Variants in ARFGEF2 observed in about 807,000 individuals in gnomAD.
ARFGEF2 encodes ARF guanine nucleotide exchange factor 2.
Under a neutral mutation model 219.9 loss-of-function variants are expected in ARFGEF2, and 74 were observed. That is an observed-to-expected ratio of 0.34 (90% CI 0.28 to 0.41). The LOEUF (loss-of-function observed/expected upper bound fraction) is 0.41, where lower values mean the gene tolerates loss of function less well. Ranked by LOEUF, ARFGEF2 falls within the 10% of genes least tolerant of loss-of-function variation. ARFGEF2 has a pLI of 1.00. For synonymous variants in ARFGEF2, 733 were observed against 799.2 expected, an observed-to-expected ratio of 0.92 and a Z score of 1.40; for missense variants, 1,743 against 2,218.3, an observed-to-expected ratio of 0.79 and a Z score of 4.30.
At chr20:48,948,425 A>G (rs1056268878) in intron 3 of ARFGEF2, among the ~76,000 whole-genome samples, 3 of 152,174 alleles carry the variant, frequency 2.0e-5, no homozygotes, top group Non-Finnish European at 4.4e-5. Context: ...TCTCTGTGCA[A>G]GCCTCCTTGG....
At position 48,921,848 on chromosome 20, in the gene ARFGEF2, C is replaced by A; in HGVS notation, c.-42C>A. 1.3e-6 allele frequency: 2 copies of A among 1,495,580 alleles called. No homozygotes were observed. Among genetic ancestry groups the A allele is most frequent in the Non-Finnish European group, 1.8e-6 (2 of 1,118,170 alleles). The allele number at this position is 1,495,580 out of a possible 1,614,324, so 92.6% of individuals were successfully genotyped here. A position where few individuals can be genotyped will look rare whatever the true frequency, so the allele number is the denominator to read the frequency against. On this transcript the variant is annotated 5_prime_UTR_variant, in exon 1 of 39. Coordinates refer to ENST00000371917, the MANE Select transcript of ARFGEF2 (RefSeq NM_006420.3). ...AGCCTAGCTCGCCATCTCGCTCACG[C>A]CGCCCGCCCGCGGGGCCGTCAGCCC...
Position 48,963,899 on chromosome 20 carries a change from G to A in ARFGEF2, c.907+1G>A. 2.5e-6 allele frequency: 4 copies of A among 1,613,780 alleles called. No homozygotes were observed. Among genetic ancestry groups the A allele is most frequent in the Non-Finnish European group, 2.5e-6 (3 of 1,179,858 alleles). The stretch of plus-strand genomic sequence containing the variant: ...GATGTAGTCACATCTGCCATTAAAG[G>A]TAAGAACCAAGGACAACCCAGCCTT... On this transcript the variant is annotated splice_donor_variant, in intron 7 of 38. Coordinates refer to ENST00000371917, the MANE Select transcript of ARFGEF2 (RefSeq NM_006420.3). LOFTEE classifies it high-confidence loss of function.
chr20:48,985,361 G>A, intron 15 of ARFGEF2, 47 bp from the exon 16 acceptor site: 1 of 1,602,232 alleles, frequency 6.2e-7, no homozygotes, highest in Admixed American at 1.7e-5. Context: ...TTTGCTGAGG[G>A]TTCGTATTTG....
intron 23 of ARFGEF2, 94 bp downstream of exon 23, chr20:48,995,976 C>A: frequency 8.8e-7 from 1 of 1,141,250 alleles, no homozygotes; most frequent in Non-Finnish European, 1.3e-6. Context: ...ATTTCTTTAA[C>A]TGATACAAGT....
chr20:48,994,030 G>T (rs982878528), intron 21 of ARFGEF2, among the ~76,000 whole-genome samples: 2 of 152,220 alleles, frequency 1.3e-5, no homozygotes, highest in Non-Finnish European at 2.9e-5. Flanking sequence ...TCACAAGAAA[G>T]ATCTCTTTGA....
At position 49,036,479 on chromosome 20, in the gene ARFGEF2, GT is replaced by G. The variant is rs1243313948; in HGVS notation, c.*3283del. The G allele has an allele frequency of 2.7e-6, 1 of 371,050 alleles. No individual in the cohort carries two copies. Among genetic ancestry groups the G allele is most frequent in the East Asian group, 3.9e-5 (1 of 25,734 alleles). 23.0% of individuals were successfully genotyped at this position (371,050 alleles called of 1,614,324 possible). ...TAAAAGTTAGTTAATAGTTACTTTG[GT>G]TTAACCTATACACAATGATTAAGTG... On this transcript the variant is annotated 3_prime_UTR_variant, in exon 39 of 39. Transcript: ENST00000371917.
At position 48,985,667 on chromosome 20, in the gene ARFGEF2, G is replaced by A. The variant is rs149864151; in HGVS notation, c.2276+54G>A. On this transcript the variant is annotated intron_variant, in intron 16 of 38. Transcript: ENST00000371917. ...ATCATCTGTTTGCCTGCCTCAGAAC[G>A]CTAATTCTAATTTGGTTGGGGTTTA... 4,951 of 1,568,164 alleles carry A rather than the reference G, an allele frequency of 3.2e-3. 11 individuals carry two copies. Among genetic ancestry groups the A allele is most frequent in the Non-Finnish European group, 3.9e-3 (4,421 of 1,143,460 alleles).
Position 49,033,436 on chromosome 20 carries a change from A to T in ARFGEF2, c.*237A>T. On this transcript the variant is annotated 3_prime_UTR_variant, in exon 39 of 39. Transcript: ENST00000371917. ...TAGGTGGGGAGTCTGCTTCATTTCT[A>T]TCATTCCATTTTTCTGATTAAACTG... 3 of 526,486 alleles carry T rather than the reference A, an allele frequency of 5.7e-6. No homozygotes were observed. The highest frequency in any genetic ancestry group is 1.0e-5 in the Non-Finnish European group (3 of 293,024). 32.6% of individuals were successfully genotyped at this position (526,486 alleles called of 1,614,324 possible).
chr20:48,974,909 C>A, intron 13 of ARFGEF2, 35 bp downstream of exon 13: 1 of 1,530,794 alleles, frequency 6.5e-7, no homozygotes, highest in South Asian at 1.1e-5. Context: ...CACCTCCATT[C>A]ATAATAGGCT....
intron 3 of ARFGEF2, among the ~76,000 whole-genome samples, chr20:48,946,963 A>G (rs1215351023): frequency 1.3e-5 from 2 of 151,990 alleles, no homozygotes; most frequent in Admixed American, 1.3e-4. Flanking sequence ...CGCCACACCC[A>G]GCTAGTTATT....
intron 1 of ARFGEF2, among the ~76,000 whole-genome samples, chr20:48,940,829 C>T (rs532947950): frequency 1.7e-4 from 26 of 152,244 alleles, no homozygotes; most frequent in Non-Finnish European, 3.1e-4. Context: ...GACAGGGATG[C>T]TACTAAACAT....
At chr20:49,002,243 A>C (rs1243070936) in intron 25 of ARFGEF2, among the ~76,000 whole-genome samples, 1 of 152,172 alleles carries the variant, frequency 6.6e-6, no homozygotes, top group East Asian at 1.9e-4. Context: ...TCTCAAAAAT[A>C]AAATAAATAA....
chr20:48,994,504 G>A lies in ARFGEF2; in HGVS notation c.3027G>A (p.Val1009=), dbSNP rs753405557. ...LELAQLIGTG[V]KTRYLSGSGR... ...TCGCTCAGCTGATAGGAACCGGTGT[G>A]AAGACGCGCTACCTGTCTGGATCTG... Residue 1009 remains valine (V), a synonymous_variant, in exon 22 of 39, where the codon GTG becomes GTA. Coordinates refer to ENST00000371917, the MANE Select transcript of ARFGEF2 (RefSeq NM_006420.3). The A allele has an allele frequency of 1.4e-5, 23 of 1,614,026 alleles. No individual in the cohort carries two copies. The highest frequency in any genetic ancestry group is 1.9e-5 in the Non-Finnish European group (22 of 1,180,044).
intron 38 of ARFGEF2, 102 bp downstream of exon 38, chr20:49,032,268 G>T: frequency 1.2e-6 from 1 of 848,148 alleles, no homozygotes. Flanking sequence ...TTCTCCCAAG[G>T]ATGGTTACGT....
chr20:48,933,883 G>C (rs1057091998), intron 1 of ARFGEF2, among the ~76,000 whole-genome samples: 3 of 152,212 alleles, frequency 2.0e-5, no homozygotes, highest in Non-Finnish European at 2.9e-5. Flanking sequence ...ACTTTGGAAG[G>C]CTGAGGCGGG....
chr20:48,958,641 A>G (rs994852663), intron 6 of ARFGEF2, among the ~76,000 whole-genome samples: 16 of 150,970 alleles, frequency 1.1e-4, no homozygotes, highest in African/African-American at 3.7e-4. Flanking sequence ...ATGGTGTTTC[A>G]CCGCGCTAGC....
At chr20:48,974,117 A>AT (rs2091245649) in intron 12 of ARFGEF2, among the ~76,000 whole-genome samples, 1 of 74,576 alleles carries the variant, frequency 1.3e-5, no homozygotes, top group East Asian at 3.8e-4. Flanking sequence ...TTTGAGTGTG[A>AT]ATTTTTTTTT....
chr20:48,985,339 T>C (rs938487879), intron 15 of ARFGEF2, 69 bp from the exon 16 acceptor site: 2 of 1,543,110 alleles, frequency 1.3e-6, no homozygotes, highest in Non-Finnish European at 1.8e-6. Flanking sequence ...CTCCACCCTT[T>C]GGCTGCTGGC....
chr20:48,949,125 AG>A (rs35722400), intron 3 of ARFGEF2, among the ~76,000 whole-genome samples: 1 of 152,154 alleles, frequency 6.6e-6, no homozygotes, highest in Non-Finnish European at 1.5e-5. Flanking sequence ...TGCACAGATG[AG>A]GGGGGAAGTC....
Sources: gnomAD v4.1 joint callset for allele counts (sites outside exome capture counted in the v4.1 genomes callset) on GRCh38, gnomAD v4.1.1 for gene constraint, MANE v1.5 for transcripts, NCBI Gene and HGNC (gene_info 2026-07-23, HGNC 2026-07-21) for gene names.